Variants in DNAH11 observed in about 807,000 individuals in gnomAD.
The protein encoded by DNAH11 is dynein axonemal heavy chain 11.
A neutral mutation model predicts 526.0 loss-of-function variants in DNAH11; 442 were observed. The ratio of observed to expected loss-of-function variants is 0.84; its 90% CI spans 0.78 to 0.91. The LOEUF (loss-of-function observed/expected upper bound fraction) is 0.91. Among genes scored for constraint, DNAH11 ranks in the 40% least tolerant of loss-of-function variants. The pLI is 0.00. For synonymous variants in DNAH11, 2,461 were observed against 1,935.9 expected, an observed-to-expected ratio of 1.27 and a Z score of -7.12; for missense variants, 6,989 against 5,448.7, an observed-to-expected ratio of 1.28 and a Z score of -8.90.
chr7:21,737,642 T>C (rs1562518593), intron 46 of DNAH11, among the ~76,000 whole-genome samples: 3 of 152,146 alleles, frequency 2.0e-5, no homozygotes, highest in South Asian at 4.1e-4. Flanking sequence ...TGGGAACATA[T>C]GGAAATGACA....
intron 25 of DNAH11, among the ~76,000 whole-genome samples, chr7:21,620,866 C>A (rs913925747): frequency 6.6e-6 from 1 of 151,746 alleles, no homozygotes; most frequent in Admixed American, 6.6e-5. Flanking sequence ...TTTCCAATTT[C>A]ATCCATGTCC....
At chr7:21,792,701 C>G (rs1788528277) in intron 61 of DNAH11, among the ~76,000 whole-genome samples, 1 of 152,038 alleles carries the variant, frequency 6.6e-6, no homozygotes, top group African/African-American at 2.4e-5. Context: ...ATAGTAGTTT[C>G]TAATGATCCT....
chr7:21,726,986 T>A (rs1785145499), intron 45 of DNAH11, among the ~76,000 whole-genome samples: 2 of 98,434 alleles, frequency 2.0e-5, no homozygotes, highest in South Asian at 9.4e-4. Context: ...CAGGCTGGAG[T>A]GCAGTGGCGC....
Position 21,742,181 on chromosome 7 carries a change from C to G in DNAH11, c.8154+15C>G, listed in dbSNP as rs937789282. The G allele has an allele frequency of 3.7e-6, 6 of 1,612,378 alleles. No individual in the cohort carries two copies. The highest frequency in any genetic ancestry group is 4.2e-6 in the Non-Finnish European group (5 of 1,179,194). ...ACGTCTTCCAGGTACCTTGACTGCT[C>G]TATGTTATGCCTCTTGAGTAGAGAA... On this transcript the variant is annotated intron_variant, in intron 49 of 81. Transcript: ENST00000409508.
chr7:21,680,848 C>G (rs1216109780), intron 30 of DNAH11, among the ~76,000 whole-genome samples: 1 of 152,170 alleles, frequency 6.6e-6, no homozygotes, highest in Non-Finnish European at 1.5e-5. Flanking sequence ...TAGGTGAATG[C>G]TTTTCTAAAG....
At chr7:21,573,148 T>A (rs1316413858) in intron 8 of DNAH11, among the ~76,000 whole-genome samples, 2 of 152,192 alleles carry the variant, frequency 1.3e-5, no homozygotes, top group Non-Finnish European at 2.9e-5. Flanking sequence ...CAGGTTTAAT[T>A]GACGTCACTA....
At position 21,900,815 on chromosome 7, in the gene DNAH11, C is replaced by T. The variant is rs969353056; in HGVS notation, c.13304-192C>T. 66 of 780,066 alleles carry T rather than the reference C, an allele frequency of 8.5e-5. 1 individual carries two copies. Among genetic ancestry groups the T allele is most frequent in the Middle Eastern group, 4.0e-4 (1 of 2,506 alleles). 48.3% of individuals were successfully genotyped at this position (780,066 alleles called of 1,614,324 possible). A position where few individuals can be genotyped will look rare whatever the true frequency, so the allele number is the denominator to read the frequency against. ...TTAACCACTACGCATGGAAGCAAAG[C>T]GGTGCCTCCGCTGCAGGCAGGGTAA... On this transcript the variant is annotated intron_variant, in intron 81 of 81. Transcript: ENST00000409508.
intron 75 of DNAH11, 40 bp from the exon 76 acceptor site, chr7:21,884,251 C>G (rs774208528): frequency 1.3e-6 from 2 of 1,559,956 alleles, no homozygotes; most frequent in East Asian, 4.6e-5. Context: ...GAGGCAGACT[C>G]TGCACCCAGC....
intron 77 of DNAH11, among the ~76,000 whole-genome samples, chr7:21,894,127 G>T (rs890459789): frequency 6.6e-6 from 1 of 152,158 alleles, no homozygotes; most frequent in Non-Finnish European, 1.5e-5. Flanking sequence ...GACTTCAAGC[G>T]ATCTGCCCAT....
intron 54 of DNAH11, 102 bp from the exon 55 acceptor site, chr7:21,765,326 C>T: frequency 6.5e-7 from 1 of 1,539,364 alleles, no homozygotes; most frequent in Non-Finnish European, 8.9e-7. Flanking sequence ...AGTTTAATGT[C>T]ACAGTTGGCT....
chr7:21,756,703 T>C (rs1054642689), intron 54 of DNAH11, among the ~76,000 whole-genome samples: 1 of 152,144 alleles, frequency 6.6e-6, no homozygotes, highest in African/African-American at 2.4e-5. Context: ...AAGGATATTT[T>C]TCCAGATATC....
Position 21,617,702 on chromosome 7 carries a change from C to T in DNAH11, c.4179C>T (p.Ser1393=), listed in dbSNP as rs1403365658. ...GCACAGTTAAGGACATGACAGCCTC[C>T]CTGAGGGCCATCACAGAGTTACAGA... is the stretch of plus-strand genomic sequence containing the variant. ...LEGTVKDMTA[S]LRAITELQSP... The change falls in exon 23 of 82, where the codon TCC becomes TCT. Residue 1393 remains serine, a synonymous_variant. Coordinates refer to ENST00000409508, the MANE Select transcript of DNAH11 (RefSeq NM_001277115.2). 4 of 1,613,742 alleles carry T rather than the reference C, an allele frequency of 2.5e-6. No individual in the cohort carries two copies. The highest frequency in any genetic ancestry group is 3.4e-6 in the Non-Finnish European group (4 of 1,179,788).
intron 30 of DNAH11, among the ~76,000 whole-genome samples, chr7:21,676,232 T>C (rs1782877545): frequency 6.6e-6 from 1 of 152,202 alleles, no homozygotes; most frequent in African/African-American, 2.4e-5. Flanking sequence ...AAATAGCCAC[T>C]TGAGTTTCAA....
At chr7:21,582,156 T>A (rs1036538294) in intron 9 of DNAH11, 135 bp downstream of exon 9, 13 of 596,892 alleles carry the variant, frequency 2.2e-5, no homozygotes, top group East Asian at 5.5e-5. Flanking sequence ...TTCAGCTCAC[T>A]GAATAATAAA....
intron 45 of DNAH11, 38 bp downstream of exon 45, chr7:21,726,022 T>C: frequency 6.8e-7 from 1 of 1,467,070 alleles, no homozygotes; most frequent in Non-Finnish European, 9.0e-7. Flanking sequence ...TTAGTCTGTT[T>C]TCATATTGCT....
intron 73 of DNAH11, among the ~76,000 whole-genome samples, chr7:21,872,548 C>T (rs1033117180): frequency 6.6e-6 from 1 of 152,144 alleles, no homozygotes; most frequent in Non-Finnish European, 1.5e-5. Flanking sequence ...AAGGTGCAGC[C>T]TTTATATCTC....
intron 30 of DNAH11, among the ~76,000 whole-genome samples, chr7:21,665,923 T>G (rs1310352454): frequency 1.3e-5 from 2 of 152,128 alleles, no homozygotes; most frequent in African/African-American, 4.8e-5. Context: ...AGTTGAAACC[T>G]TTTTAGTTTT....
intron 2 of DNAH11, among the ~76,000 whole-genome samples, chr7:21,546,269 C>T (rs914805828): frequency 1.3e-5 from 2 of 152,216 alleles, no homozygotes; most frequent in African/African-American, 4.8e-5. Flanking sequence ...TCACCCCTAA[C>T]TCCTGTACCC....
At chr7:21,676,143 T>A (rs962804748) in intron 30 of DNAH11, among the ~76,000 whole-genome samples, 1 of 152,142 alleles carries the variant, frequency 6.6e-6, no homozygotes, top group Non-Finnish European at 1.5e-5. Context: ...AAAGTTTGGA[T>A]TTTACTCTAA....
Sources: allele counts gnomAD v4.1 joint callset (sites outside exome capture counted in the v4.1 genomes callset), GRCh38; gene constraint gnomAD v4.1.1; transcripts MANE v1.5; gene names NCBI Gene and HGNC (gene_info 2026-07-23, HGNC 2026-07-21).